Variants in FRMD6 observed in about 807,000 individuals in gnomAD.
FRMD6 encodes FERM domain-containing protein 6.
Under a neutral mutation model 73.2 loss-of-function variants are expected in FRMD6, and 37 were observed. The observed-to-expected ratio is 0.51, with a 90% CI of 0.39 to 0.66. The LOEUF (loss-of-function observed/expected upper bound fraction) is 0.66. Among genes scored for constraint, FRMD6 ranks in the 30% least tolerant of loss-of-function variants. The probability of loss-of-function intolerance (pLI) is 0.00; values close to 1 mark genes in which losing one functional copy is unlikely to be tolerated. For synonymous variants in FRMD6, 273 were observed against 282.2 expected, an observed-to-expected ratio of 0.97 and a Z score of 0.33; for missense variants, 714 against 780.5, an observed-to-expected ratio of 0.91 and a Z score of 1.02.
intron 1 of FRMD6, among the ~76,000 whole-genome samples, chr14:51,540,872 T>A (rs2139369516): frequency 6.6e-6 from 1 of 152,258 alleles, no homozygotes; most frequent in East Asian, 1.9e-4. Flanking sequence ...AATTTTAAAA[T>A]ACTAGGAATT....
chr14:51,533,895 G>A (rs1444378752), intron 1 of FRMD6, among the ~76,000 whole-genome samples: 1 of 152,146 alleles, frequency 6.6e-6, no homozygotes, highest in Non-Finnish European at 1.5e-5. Flanking sequence ...AGTTTTCCTG[G>A]TGGGCTACTT....
chr14:51,487,461 T>C (rs1389759751), upstream of FRMD6, among the ~76,000 whole-genome samples: 1 of 152,140 alleles, frequency 6.6e-6, no homozygotes, highest in African/African-American at 2.4e-5. Context: ...ACTTGGGGGA[T>C]CTTGTGAAAA....
At chr14:51,437,581 C>T in the FRMD6 span, among the ~76,000 whole-genome samples, 1 of 152,204 alleles carries the variant, frequency 6.6e-6, no homozygotes, top group Non-Finnish European at 1.5e-5. Flanking sequence ...GGATTACAGG[C>T]GTGAGCCACC....
At chr14:51,442,408 C>T in the FRMD6 span, among the ~76,000 whole-genome samples, 15 of 151,948 alleles carry the variant, frequency 9.9e-5, no homozygotes, top group African/African-American at 3.6e-4. Context: ...AAATTCCATC[C>T]CTTGATGAAT....
chr14:51,398,715 A>G, the FRMD6 span, among the ~76,000 whole-genome samples: 1 of 152,198 alleles, frequency 6.6e-6, no homozygotes, highest in Non-Finnish European at 1.5e-5. Context: ...CTGATATGCT[A>G]ATAATCCTCT....
At chr14:51,404,104 A>G in the FRMD6 span, among the ~76,000 whole-genome samples, 5 of 152,158 alleles carry the variant, frequency 3.3e-5, no homozygotes, top group South Asian at 2.1e-4. Flanking sequence ...AGAATTTTTA[A>G]TTTTTGCTTT....
At chr14:51,631,036 C>T (rs1355955498) in intron 2 of FRMD6, among the ~76,000 whole-genome samples, 1 of 151,948 alleles carries the variant, frequency 6.6e-6, no homozygotes, top group African/African-American at 2.4e-5. Flanking sequence ...TAATTTTCTC[C>T]CACCAAGAAA....
chr14:51,416,425 G>T, the FRMD6 span, among the ~76,000 whole-genome samples: 1 of 152,028 alleles, frequency 6.6e-6, no homozygotes, highest in African/African-American at 2.4e-5. Context: ...GTAGTCATTC[G>T]GGAGCAGGTT....
At chr14:51,683,091 T>C (rs1312684917) in intron 1 of FRMD6, among the ~76,000 whole-genome samples, 1 of 152,214 alleles carries the variant, frequency 6.6e-6, no homozygotes, top group African/African-American at 2.4e-5. Flanking sequence ...CCACTTAATA[T>C]AATGCCACTT....
the FRMD6 span, among the ~76,000 whole-genome samples, chr14:51,400,726 T>C: frequency 2.6e-5 from 4 of 152,316 alleles, no homozygotes; most frequent in African/African-American, 9.6e-5. Flanking sequence ...GGAATAAACA[T>C]GTGTGGGTTA....
intron 5 of FRMD6, among the ~76,000 whole-genome samples, chr14:51,702,951 T>G (rs923421738): frequency 1.3e-5 from 2 of 152,030 alleles, no homozygotes; most frequent in Non-Finnish European, 2.9e-5. Flanking sequence ...GTGAGGAGGT[T>G]GATTAAAAGA....
chr14:51,558,717 A>C (rs906353517), intron 1 of FRMD6, among the ~76,000 whole-genome samples: 4 of 152,180 alleles, frequency 2.6e-5, no homozygotes, highest in African/African-American at 9.7e-5. Context: ...TTACTATATA[A>C]CATGTGGTAA....
rs927706273 is a variant in FRMD6 at position 51,651,934 on chromosome 14, G to C, written c.-209G>C. The stretch of plus-strand genomic sequence containing the variant: ...AGAGGAGTGGGGCAGGCTCGGCGCC[G>C]GTAGGAAGAGTCAGAGGGGTGACCA... On this transcript the variant is annotated 5_prime_UTR_variant, in exon 1 of 14. Coordinates refer to ENST00000344768, the MANE Select transcript of FRMD6 (RefSeq NM_001267046.2). The C allele has an allele frequency of 6.6e-6, 1 of 152,308 alleles. No homozygotes were observed. The highest frequency in any genetic ancestry group is 1.5e-5 in the Non-Finnish European group (1 of 68,212). The allele number at this position is 152,308 out of a possible 1,614,324, so 9.4% of individuals were successfully genotyped here.
the FRMD6 span, among the ~76,000 whole-genome samples, chr14:51,416,595 A>G: frequency 6.6e-6 from 1 of 152,178 alleles, no homozygotes; most frequent in African/African-American, 2.4e-5. Flanking sequence ...TTTTGGAATA[A>G]GTGCGATGTG....
intron 1 of FRMD6, among the ~76,000 whole-genome samples, chr14:51,686,223 G>A (rs1895141004): frequency 6.6e-6 from 1 of 152,046 alleles, no homozygotes; most frequent in South Asian, 2.1e-4. Context: ...GGTATAGAGA[G>A]TTTCTGTATA....
intron 1 of FRMD6, among the ~76,000 whole-genome samples, chr14:51,534,917 G>A (rs778812814): frequency 3.3e-4 from 50 of 152,188 alleles, no homozygotes; most frequent in Non-Finnish European, 5.1e-4. Flanking sequence ...GCAGGGCCCC[G>A]GGGCAGCCGC....
intron 2 of FRMD6, among the ~76,000 whole-genome samples, chr14:51,601,444 A>G (rs975554097): frequency 2.6e-5 from 4 of 152,010 alleles, no homozygotes; most frequent in Non-Finnish European, 5.9e-5. Context: ...TGTCACATCA[A>G]CCCTCCATTG....
At position 51,601,321 on chromosome 14, in the gene FRMD6, T is replaced by A. The variant is rs533286973; in HGVS notation, c.-147+30911T>A. ...ATGAGACCTCAGAGAAGGGTTTTAC[T>A]GCCCCAGGGGTGTAGGATGTGATTT... On this transcript the variant is annotated intron_variant, in intron 2 of 14. Transcript: ENST00000356218. Among the ~76,000 whole-genome samples, 6 of 152,342 alleles carry A rather than the reference T, an allele frequency of 3.9e-5. No individual in the cohort carries two copies. In the South Asian group the frequency reaches 1.2e-3, roughly 32 times the overall value.
chr14:51,515,944 AG>A (rs1460853102), intron 1 of FRMD6, among the ~76,000 whole-genome samples: 1 of 152,214 alleles, frequency 6.6e-6, no homozygotes, highest in African/African-American at 2.4e-5. Context: ...GACACTGCAA[AG>A]TAGTTACTCT....
Sources: allele counts gnomAD v4.1 joint callset (sites outside exome capture counted in the v4.1 genomes callset), GRCh38; gene constraint gnomAD v4.1.1; transcripts MANE v1.5; gene names NCBI Gene and HGNC (gene_info 2026-07-23, HGNC 2026-07-21).